The following MACROD2 variants were observed in gnomAD, a reference collection of about 807,000 sequenced individuals.
The protein encoded by MACROD2 is mono-ADP ribosylhydrolase 2, also known as ADP-ribose glycohydrolase MACROD2.
A neutral mutation model predicts 70.4 loss-of-function variants in MACROD2; 36 were observed. The ratio of observed to expected loss-of-function variants is 0.51; its 90% CI spans 0.39 to 0.68. The LOEUF (loss-of-function observed/expected upper bound fraction) is 0.68. Among genes scored for constraint, MACROD2 ranks in the 30% least tolerant of loss-of-function variants. The pLI, the probability that MACROD2 is intolerant of heterozygous loss-of-function variation, is 0.00. For synonymous variants in MACROD2, 172 were observed against 178.8 expected (o/e 0.96, Z 0.30); for missense variants, 496 against 538.4 (o/e 0.92, Z 0.78).
intron 8 of MACROD2, among the ~76,000 whole-genome samples, chr20:15,519,268 A>G (rs1443600390): frequency 1.3e-5 from 2 of 151,884 alleles, no homozygotes; most frequent in Non-Finnish European, 2.9e-5. Context: ...CCGCCACCAC[A>G]CCCGGCTAAT....
intron 8 of MACROD2, among the ~76,000 whole-genome samples, chr20:15,724,698 G>C (rs1293677256): frequency 6.6e-6 from 1 of 152,032 alleles, no homozygotes; most frequent in Admixed American, 6.6e-5. Flanking sequence ...ATTTACAATA[G>C]GTCTTGAAGT....
chr20:14,702,813 T>C (rs112195960), intron 5 of MACROD2, among the ~76,000 whole-genome samples: 2,526 of 150,924 alleles, frequency 0.017, 72 homozygotes, highest in African/African-American at 0.057. Context: ...CTGCAACCTC[T>C]GCCTCCTGGG....
chr20:15,697,307 T>G (rs2050390482), intron 8 of MACROD2, among the ~76,000 whole-genome samples: 1 of 152,238 alleles, frequency 6.6e-6, no homozygotes, highest in Non-Finnish European at 1.5e-5. Context: ...ATTTCATTTT[T>G]GACCCAATGC....
chr20:14,697,568 A>C (rs1488433197), intron 5 of MACROD2, among the ~76,000 whole-genome samples: 2 of 152,176 alleles, frequency 1.3e-5, no homozygotes, highest in Non-Finnish European at 2.9e-5. Context: ...ATATCACACT[A>C]CAAGTAATAT....
intron 4 of MACROD2, among the ~76,000 whole-genome samples, chr20:14,551,265 T>C (rs180830050): frequency 7.9e-5 from 12 of 152,276 alleles, no homozygotes; most frequent in African/African-American, 2.9e-4. Context: ...AGTTGTAGAG[T>C]ATAGTGTAAA....
chr20:14,628,481 G>C (rs909666001), intron 4 of MACROD2, among the ~76,000 whole-genome samples: 1 of 152,186 alleles, frequency 6.6e-6, no homozygotes, highest in Non-Finnish European at 1.5e-5. Context: ...ATGTAGAGTG[G>C]TTGAAGATAC....
intron 17 of MACROD2, among the ~76,000 whole-genome samples, chr20:16,046,056 T>A (rs1312195319): frequency 6.6e-6 from 1 of 152,142 alleles, no homozygotes; most frequent in African/African-American, 2.4e-5. Context: ...AAGGCACAAA[T>A]AATGTGTTGA....
chr20:15,249,940 A>T lies in MACROD2; in HGVS notation c.540+19879A>T, dbSNP rs369537753. On this transcript the variant is annotated intron_variant, in intron 6 of 17. Transcript: ENST00000684519. ...TTTCCCTTTATATGTATGACTTTTA[A>T]AAATAGGTACTGAGCTGTTAGTATT... is the stretch of plus-strand genomic sequence containing the variant. Among the ~76,000 whole-genome samples the T allele has an allele frequency of 2.0e-5, 3 of 152,346 alleles. No homozygotes were observed. In the East Asian group the frequency reaches 5.8e-4, roughly 29 times the overall value.
intron 5 of MACROD2, among the ~76,000 whole-genome samples, chr20:14,817,983 T>A (rs1044484131): frequency 1.3e-4 from 20 of 152,130 alleles, no homozygotes; most frequent in African/African-American, 4.8e-4. Flanking sequence ...AACAGCTAAG[T>A]GCTCTAGGTG....
chr20:14,980,398 C>T (rs1359533701), intron 5 of MACROD2, among the ~76,000 whole-genome samples: 10 of 152,124 alleles, frequency 6.6e-5, no homozygotes, highest in Admixed American at 2.6e-4. Context: ...ACCAGCAAGA[C>T]GGCCCTCACC....
intron 6 of MACROD2, among the ~76,000 whole-genome samples, chr20:15,258,061 A>T (rs2077215352): frequency 6.6e-6 from 1 of 151,968 alleles, no homozygotes; most frequent in Admixed American, 6.6e-5. Context: ...AAAGGTAAAA[A>T]TACAAAAAAA....
chr20:15,755,455 A>T (rs2051334076), intron 8 of MACROD2, among the ~76,000 whole-genome samples: 1 of 152,176 alleles, frequency 6.6e-6, no homozygotes, highest in Non-Finnish European at 1.5e-5. Context: ...AAAAATGAGT[A>T]GATTTTACAT....
chr20:14,925,792 A>G (rs1418884865), intron 5 of MACROD2, among the ~76,000 whole-genome samples: 1 of 152,212 alleles, frequency 6.6e-6, no homozygotes, highest in Non-Finnish European at 1.5e-5. Context: ...TCGAATTGGT[A>G]CCTTAAATTA....
intron 5 of MACROD2, among the ~76,000 whole-genome samples, chr20:15,004,425 C>T (rs1473108288): frequency 6.6e-6 from 1 of 152,126 alleles, no homozygotes; most frequent in African/African-American, 2.4e-5. Flanking sequence ...TTGTTATTAA[C>T]CAATAGTTTT....
At chr20:14,790,593 A>C (rs937527520) in intron 5 of MACROD2, among the ~76,000 whole-genome samples, 3 of 152,108 alleles carry the variant, frequency 2.0e-5, no homozygotes, top group Non-Finnish European at 4.4e-5. Context: ...GGGGCTGTGA[A>C]TAGTGTAGGC....
intron 3 of MACROD2, among the ~76,000 whole-genome samples, chr20:14,089,974 G>A (rs2054126168): frequency 6.6e-6 from 1 of 152,120 alleles, no homozygotes; most frequent in Admixed American, 6.6e-5. Flanking sequence ...GACTGATCCT[G>A]TCACCTAGGT....
chr20:14,268,770 A>G (rs1450729049), intron 3 of MACROD2, among the ~76,000 whole-genome samples: 1 of 152,214 alleles, frequency 6.6e-6, no homozygotes, highest in Non-Finnish European at 1.5e-5. Flanking sequence ...GACGTCAACT[A>G]TATTTCCCTT....
chr20:14,646,383 G>T (rs1420069802), intron 4 of MACROD2, among the ~76,000 whole-genome samples: 1 of 152,024 alleles, frequency 6.6e-6, no homozygotes, highest in Non-Finnish European at 1.5e-5. Context: ...TATTTCTCAA[G>T]TGTTTTTCCC....
At chr20:15,200,203 A>C (rs1009140897) in intron 5 of MACROD2, among the ~76,000 whole-genome samples, 1 of 152,210 alleles carries the variant, frequency 6.6e-6, no homozygotes, top group Non-Finnish European at 1.5e-5. Flanking sequence ...AAAAAACTTG[A>C]GGTTTCAGAT....
Sources: allele counts gnomAD v4.1 joint callset (sites outside exome capture counted in the v4.1 genomes callset), GRCh38; gene constraint gnomAD v4.1.1; transcripts MANE v1.5; gene names NCBI Gene and HGNC (gene_info 2026-07-23, HGNC 2026-07-21).